SLC16A12: variants seen among roughly 807,000 people sequenced by gnomAD.
SLC16A12 encodes monocarboxylate transporter 12.
SLC16A12 carries 17 observed loss-of-function variants against 42.4 expected under a neutral mutation model. The ratio of observed to expected loss-of-function variants is 0.40; its 90% CI spans 0.27 to 0.60. The LOEUF is 0.60. Ranked by LOEUF, SLC16A12 falls within the 20% of genes least tolerant of loss-of-function variation. The pLI is 0.42. For missense variants in SLC16A12, 544 were observed against 623.0 expected, an observed-to-expected ratio of 0.87 and a Z score of 1.35; for synonymous variants, 224 against 229.4, an observed-to-expected ratio of 0.98 and a Z score of 0.21.
chr10:89,440,415 C>T (rs976309919), intron 5 of SLC16A12, among the ~76,000 whole-genome samples: 2 of 152,192 alleles, frequency 1.3e-5, no homozygotes, highest in Non-Finnish European at 2.9e-5. Flanking sequence ...TATAGCCTCA[C>T]TATGAGGTTA....
At chr10:89,481,781 C>T (rs1298154611) in intron 2 of SLC16A12, among the ~76,000 whole-genome samples, 1 of 151,698 alleles carries the variant, frequency 6.6e-6, no homozygotes, top group Admixed American at 6.6e-5. Context: ...CAAAGTGATG[C>T]AACATTTGAT....
chr10:89,517,618 T>C (rs1245893059), intron 2 of SLC16A12, among the ~76,000 whole-genome samples: 1 of 152,158 alleles, frequency 6.6e-6, no homozygotes, highest in Admixed American at 6.5e-5. Flanking sequence ...GCTCCAACTT[T>C]ATTGAATAGA....
chr10:89,535,868 A>C (rs1158400175), upstream of SLC16A12, among the ~76,000 whole-genome samples: 2 of 152,202 alleles, frequency 1.3e-5, no homozygotes, highest in African/African-American at 2.4e-5. Context: ...CCTAGCTGGC[A>C]ACGCCGGGAG....
In SLC16A12 at chr10:89,510,139, C is replaced by T. The variant is rs551992029; in HGVS notation, c.-47+24362G>A. Among the ~76,000 whole-genome samples the T allele has an allele frequency of 4.6e-5, 7 of 152,242 alleles. No individual in the cohort carries two copies. The South Asian group carries it at 8.3e-4, about 18-fold the overall frequency. On this transcript the variant is annotated intron_variant, in intron 2 of 7. Transcript: ENST00000371790. ...GCTCATGGATAGGAAGGATCAATAT[C>T]GTGAAAATGGCCATACAGCCCAAAG... is the stretch of plus-strand genomic sequence containing the variant.
intron 2 of SLC16A12, among the ~76,000 whole-genome samples, chr10:89,487,847 G>C (rs866112497): frequency 1.4e-5 from 2 of 141,912 alleles, no homozygotes; most frequent in Non-Finnish European, 3.1e-5. Flanking sequence ...TTATTTCTCT[G>C]TCAAAAAGAC....
chr10:89,466,244 A>G (rs910503475), intron 2 of SLC16A12, among the ~76,000 whole-genome samples: 5 of 152,166 alleles, frequency 3.3e-5, no homozygotes, highest in Non-Finnish European at 7.3e-5. Context: ...ATGTGATTTA[A>G]CCTCTTTTCA....
chr10:89,496,627 T>G (rs1165033811), intron 2 of SLC16A12, among the ~76,000 whole-genome samples: 1 of 152,180 alleles, frequency 6.6e-6, no homozygotes, highest in East Asian at 1.9e-4. Flanking sequence ...AAAAGTTGAT[T>G]TCAGGTGTAT....
chr10:89,446,655 T>C lies in SLC16A12; in HGVS notation c.201-2796A>G, dbSNP rs536324084. Among the ~76,000 whole-genome samples, 15 of 152,284 alleles carry C rather than the reference T, an allele frequency of 9.9e-5. No homozygotes were observed. In the East Asian group the frequency reaches 2.7e-3, roughly 27 times the overall value. The stretch of plus-strand genomic sequence containing the variant: ...ATCGGTACCAGCCACTGCAAAAACA[T>C]GCCAAATTGTAAAGACCATCGATGC... On this transcript the variant is annotated intron_variant, in intron 3 of 7. Transcript: ENST00000371790.
In SLC16A12 at chr10:89,483,003, C is replaced by T. The variant is rs562146704; in HGVS notation, c.-46-20379G>A. On this transcript the variant is annotated intron_variant, in intron 2 of 7. Transcript: ENST00000371790. Reference sequence around the variant, plus strand: ...AATACCAGACACTGGATGGCTAAAACGGAAATTTACTTTCTCAGTTCTGGA... The same window carrying T: ...AATACCAGACACTGGATGGCTAAAATGGAAATTTACTTTCTCAGTTCTGGA... 5.9e-5 allele frequency among the ~76,000 whole-genome samples: 9 copies of T among 152,266 alleles called. No homozygotes were observed. In the South Asian group the frequency reaches 1.0e-3, roughly 18 times the overall value.
chr10:89,438,848 A>C lies in SLC16A12; in HGVS notation c.784T>G (p.Trp262Gly). ...CAGCAACAGAGGCAAGTCTGTGCCC[A>C]TTCTTTGGTCAAAGATGAATAGGGA... The part of the protein sequence containing the change: ...VSPYSSLTKE[W>G]AQTCLCCCLQ... Residue 262 changes from tryptophan to glycine, a missense_variant, in exon 6 of 8, where the codon TGG becomes GGG. Physicochemically the swap from Trp to Gly is radical, Grantham distance 184 (BLOSUM62 -2). Coordinates refer to ENST00000371790, the MANE Select transcript of SLC16A12 (RefSeq NM_213606.4). 6.2e-7 allele frequency: 1 copy of C among 1,614,214 alleles called. No homozygotes were observed. The highest frequency in any genetic ancestry group is 8.5e-7 in the Non-Finnish European group (1 of 1,180,040).
At chr10:89,498,040 T>C (rs1305616500) in intron 2 of SLC16A12, among the ~76,000 whole-genome samples, 2 of 152,180 alleles carry the variant, frequency 1.3e-5, no homozygotes, top group Non-Finnish European at 2.9e-5. Flanking sequence ...CCAGGCGCGG[T>C]GGCTCATACC....
chr10:89,508,562 G>T (rs1335085279), intron 2 of SLC16A12, among the ~76,000 whole-genome samples: 1 of 151,556 alleles, frequency 6.6e-6, no homozygotes, highest in African/African-American at 2.4e-5. Flanking sequence ...AGAATCTCTG[G>T]GACACATTTA....
chr10:89,530,415 T>G (rs899766150), intron 2 of SLC16A12, among the ~76,000 whole-genome samples: 2 of 150,376 alleles, frequency 1.3e-5, no homozygotes, highest in African/African-American at 4.9e-5. Flanking sequence ...ATTTGGTGGT[T>G]TTTTTTTTTC....
intron 2 of SLC16A12, among the ~76,000 whole-genome samples, chr10:89,512,794 G>A (rs992368598): frequency 6.6e-6 from 1 of 152,170 alleles, no homozygotes; most frequent in Admixed American, 6.5e-5. Flanking sequence ...GCAAAAGATC[G>A]AACCCAAGAG....
intron 2 of SLC16A12, among the ~76,000 whole-genome samples, chr10:89,545,219 C>T (rs1843736018): frequency 6.6e-6 from 1 of 152,182 alleles, no homozygotes; most frequent in South Asian, 2.1e-4. Context: ...CAGAACCACC[C>T]AGGTAACTTA....
intron 2 of SLC16A12, among the ~76,000 whole-genome samples, 193 bp downstream of exon 2, chr10:89,534,308 A>AT: frequency 6.6e-6 from 1 of 152,270 alleles, no homozygotes; most frequent in South Asian, 2.1e-4. Flanking sequence ...CTAGCTGATG[A>AT]TTTTAACTGT....
At chr10:89,478,409 C>A (rs1033564938) in intron 2 of SLC16A12, among the ~76,000 whole-genome samples, 2 of 152,194 alleles carry the variant, frequency 1.3e-5, no homozygotes, top group African/African-American at 4.8e-5. Context: ...GGACAGTGAA[C>A]CTGCAGGGGG....
At chr10:89,456,925 T>G (rs1322646483) in intron 3 of SLC16A12, among the ~76,000 whole-genome samples, 1 of 152,238 alleles carries the variant, frequency 6.6e-6, no homozygotes, top group Non-Finnish European at 1.5e-5. Context: ...GTGGTATATA[T>G]GTACCACATT....
intron 5 of SLC16A12, 77 bp downstream of exon 5, chr10:89,441,031 T>C: frequency 1.9e-6 from 3 of 1,563,782 alleles, no homozygotes; most frequent in Non-Finnish European, 2.6e-6. Flanking sequence ...GAATATTTTA[T>C]GAATTACTTC....
Sources: gnomAD v4.1 joint callset for allele counts (sites outside exome capture counted in the v4.1 genomes callset) on GRCh38, gnomAD v4.1.1 for gene constraint, MANE v1.5 for transcripts, NCBI Gene and HGNC (gene_info 2026-07-23, HGNC 2026-07-21) for gene names.